Variants in SMOC2 observed in about 807,000 individuals in gnomAD.
SMOC2 encodes the protein SPARC-related modular calcium-binding protein 2.
SMOC2 carries 39 observed loss-of-function variants against 61.4 expected under a neutral mutation model. The ratio of observed to expected loss-of-function variants is 0.64; its 90% CI spans 0.49 to 0.83. The LOEUF (loss-of-function observed/expected upper bound fraction) is 0.83. SMOC2 is among the 40% of genes least tolerant of loss of function. The pLI, the probability that SMOC2 is intolerant of heterozygous loss-of-function variation, is 0.00. For missense variants in SMOC2, 556 were observed against 592.9 expected, an observed-to-expected ratio of 0.94 and a Z score of 0.65; for synonymous variants, 247 against 239.9, an observed-to-expected ratio of 1.03 and a Z score of -0.27.
intron 9 of SMOC2, among the ~76,000 whole-genome samples, chr6:168,650,051 G>C (rs1295072098): frequency 1.3e-5 from 2 of 152,188 alleles, no homozygotes; most frequent in African/African-American, 4.8e-5. Context: ...GGAAAGTCAC[G>C]CTGCAGAATG....
At chr6:168,501,731 G>A (rs1288885258) in intron 1 of SMOC2, among the ~76,000 whole-genome samples, 1 of 152,226 alleles carries the variant, frequency 6.6e-6, no homozygotes, top group East Asian at 1.9e-4. Flanking sequence ...CTTTCCTCTG[G>A]GATCTCCGTA....
chr6:168,455,594 T>C (rs2114997614), intron 1 of SMOC2, among the ~76,000 whole-genome samples: 1 of 152,356 alleles, frequency 6.6e-6, no homozygotes, highest in South Asian at 2.1e-4. Flanking sequence ...TTGATACTTC[T>C]TCACCTTATA....
intron 9 of SMOC2, among the ~76,000 whole-genome samples, chr6:168,616,256 C>T (rs1369576719): frequency 6.6e-6 from 1 of 152,226 alleles, no homozygotes; most frequent in Non-Finnish European, 1.5e-5. Context: ...AAACATACTA[C>T]TGTAATTCTG....
At chr6:168,582,071 A>G (rs550395627) in intron 7 of SMOC2, among the ~76,000 whole-genome samples, 1 of 152,306 alleles carries the variant, frequency 6.6e-6, no homozygotes, top group African/African-American at 2.4e-5. Context: ...TTACATCTCA[A>G]GCTCCAGTTT....
chr6:168,573,365 C>T (rs1784715956), intron 7 of SMOC2, among the ~76,000 whole-genome samples: 2 of 143,510 alleles, frequency 1.4e-5, no homozygotes, highest in South Asian at 4.4e-4. Flanking sequence ...TCCCACATCC[C>T]CGGGTGCTGG....
chr6:168,473,194 C>T (rs1272034006), intron 1 of SMOC2, among the ~76,000 whole-genome samples: 5 of 152,194 alleles, frequency 3.3e-5, no homozygotes, highest in Non-Finnish European at 7.4e-5. Context: ...GCTGAGACCA[C>T]TGAGACCTTC....
At position 168,656,801 on chromosome 6, in the gene SMOC2, T is replaced by G. The variant is rs577990359; in HGVS notation, c.1285+3573T>G. On this transcript the variant is annotated intron_variant, in intron 11 of 12. Transcript: ENST00000356284. Reference sequence around the variant, plus strand: ...AAAGTCAGCTCTGAAAAATTAAGCTTTAGTTTGAAGCTTTTTGTATAGGGT... The same window carrying G: ...AAAGTCAGCTCTGAAAAATTAAGCTGTAGTTTGAAGCTTTTTGTATAGGGT... Among the ~76,000 whole-genome samples the G allele has an allele frequency of 3.6e-3, 545 of 152,314 alleles. 1 individual carries two copies. Among genetic ancestry groups the G allele is most frequent in the Admixed American group, 5.8e-3 (88 of 15,304 alleles).
At chr6:168,507,456 C>T (rs1484918490) in intron 1 of SMOC2, among the ~76,000 whole-genome samples, 1 of 152,234 alleles carries the variant, frequency 6.6e-6, no homozygotes, top group Non-Finnish European at 1.5e-5. Context: ...AACGAGGCTG[C>T]TGAGATCCTC....
At chr6:168,599,596 T>TACCCCCACAC (rs1562373080) in intron 8 of SMOC2, among the ~76,000 whole-genome samples, 1 of 11,478 alleles carries the variant, frequency 8.7e-5, no homozygotes, top group Non-Finnish European at 1.6e-4. Flanking sequence ...CACCCACACA[T>TACCCCCACAC]ACCCCCACAC....
intron 9 of SMOC2, among the ~76,000 whole-genome samples, chr6:168,618,843 G>C (rs1786171555): frequency 6.6e-6 from 1 of 152,168 alleles, no homozygotes. Context: ...CGGTCTGGGA[G>C]AGACAGCGAT....
chr6:168,547,693 G>C (rs9346722), intron 6 of SMOC2, among the ~76,000 whole-genome samples: 45,822 of 151,764 alleles, frequency 0.3, 8,315 homozygotes, highest in East Asian at 0.68. Flanking sequence ...TAATTTCACT[G>C]GGTAAATGTG....
intron 4 of SMOC2, among the ~76,000 whole-genome samples, chr6:168,540,609 C>T (rs532469419): frequency 6.6e-6 from 1 of 152,286 alleles, no homozygotes; most frequent in Non-Finnish European, 1.5e-5. Flanking sequence ...TGTCTTCTCC[C>T]TGCAGCGCCA....
intron 1 of SMOC2, among the ~76,000 whole-genome samples, chr6:168,478,477 G>T (rs755650812): frequency 6.6e-6 from 1 of 152,146 alleles, no homozygotes; most frequent in Non-Finnish European, 1.5e-5. Flanking sequence ...GAAAATGGTA[G>T]TAAAGTAAGT....
chr6:168,447,262 G>C (rs1216628019), intron 1 of SMOC2, among the ~76,000 whole-genome samples: 2 of 152,048 alleles, frequency 1.3e-5, no homozygotes, highest in African/African-American at 4.8e-5. Context: ...TTAGAAATGA[G>C]GTTTTGCCAT....
chr6:168,479,771 C>T (rs1475495237), intron 1 of SMOC2, among the ~76,000 whole-genome samples: 4 of 152,138 alleles, frequency 2.6e-5, no homozygotes, highest in African/African-American at 7.2e-5. Flanking sequence ...GGGGTGCAGA[C>T]GAAAAGGTGG....
At chr6:168,456,648 G>T (rs938165693) in intron 1 of SMOC2, among the ~76,000 whole-genome samples, 1 of 152,138 alleles carries the variant, frequency 6.6e-6, no homozygotes, top group Non-Finnish European at 1.5e-5. Context: ...GGCTAGTACT[G>T]GATTTCAAAA....
chr6:168,621,333 A>C (rs1786239692), intron 9 of SMOC2, among the ~76,000 whole-genome samples: 2 of 152,284 alleles, frequency 1.3e-5, no homozygotes, highest in South Asian at 4.2e-4. Context: ...TCCAGAGGAG[A>C]ATAGTATTAG....
At chr6:168,552,037 C>T (rs1364746347) in intron 7 of SMOC2, among the ~76,000 whole-genome samples, 1 of 152,154 alleles carries the variant, frequency 6.6e-6, no homozygotes, top group Non-Finnish European at 1.5e-5. Context: ...ATGAGTGGAG[C>T]ACGAAAAGAT....
intron 9 of SMOC2, among the ~76,000 whole-genome samples, chr6:168,650,193 G>A (rs74373513): frequency 0.047 from 7,118 of 152,236 alleles, 405 homozygotes; most frequent in African/African-American, 0.13. Context: ...CCCAGGAGAC[G>A]GGCGTTGGGG....
Sources: allele counts gnomAD v4.1 joint callset (sites outside exome capture counted in the v4.1 genomes callset), GRCh38; gene constraint gnomAD v4.1.1; transcripts MANE v1.5; gene names NCBI Gene and HGNC (gene_info 2026-07-23, HGNC 2026-07-21).